SLC23A2: variants seen among roughly 807,000 people sequenced by gnomAD.
SLC23A2 encodes the protein solute carrier family 23 member 2.
SLC23A2 carries 36 observed loss-of-function variants against 73.3 expected under a neutral mutation model. That is an observed-to-expected ratio of 0.49 (90% confidence interval 0.38 to 0.65). The LOEUF is 0.65. SLC23A2 is among the 30% of genes least tolerant of loss of function. The pLI is 0.00. For synonymous variants in SLC23A2, 343 were observed against 327.3 expected, an observed-to-expected ratio of 1.05 and a Z score of -0.52; for missense variants, 507 against 841.6, an observed-to-expected ratio of 0.60 and a Z score of 4.92.
At position 4,908,744 on chromosome 20, in the gene SLC23A2, A is replaced by T. The variant is rs548001873; in HGVS notation, c.207+4136T>A. Among the ~76,000 whole-genome samples, 6 of 152,294 alleles carry T rather than the reference A, an allele frequency of 3.9e-5. No homozygotes were observed. In the South Asian group the frequency reaches 1.2e-3, roughly 32 times the overall value. On this transcript the variant is annotated intron_variant, in intron 4 of 16. Coordinates refer to ENST00000338244, the MANE Select transcript of SLC23A2 (RefSeq NM_005116.6). ...AGAGTTCCAGGCCAGCCTGGTCAAC[A>T]TGGCAAAACCCCGTCTCTACTAAAA...
At chr20:4,877,211 A>T (rs1930695104) in intron 9 of SLC23A2, among the ~76,000 whole-genome samples, 1 of 152,196 alleles carries the variant, frequency 6.6e-6, no homozygotes, top group South Asian at 2.1e-4. Flanking sequence ...ACTGTATGAC[A>T]TCAGAAGCAA....
intron 3 of SLC23A2, 82 bp from the exon 4 acceptor site, chr20:4,913,060 T>TCATGCACTCACCAG: frequency 2.3e-6 from 2 of 870,758 alleles, no homozygotes; most frequent in Non-Finnish European, 3.9e-6. Context: ...ATTCTCCTGG[T>TCATGCACTCACCAG]GAGTGCATGA....
intron 2 of SLC23A2, among the ~76,000 whole-genome samples, chr20:4,943,290 CA>C: frequency 6.6e-6 from 1 of 152,074 alleles, no homozygotes; most frequent in South Asian, 2.1e-4. Context: ...CACACTTCTC[CA>C]AAAGGATACG....
intron 3 of SLC23A2, among the ~76,000 whole-genome samples, chr20:4,925,746 A>T (rs141285199): frequency 2.0e-5 from 3 of 152,244 alleles, no homozygotes; most frequent in East Asian, 3.9e-4. Flanking sequence ...TTGCGCCCCA[A>T]GCAGGACACT....
At chr20:4,887,316 T>C (rs1931142337) in intron 6 of SLC23A2, among the ~76,000 whole-genome samples, 1 of 152,230 alleles carries the variant, frequency 6.6e-6, no homozygotes, top group South Asian at 2.1e-4. Flanking sequence ...TTTTCAGGAC[T>C]GTACTGAAAG....
intron 6 of SLC23A2, among the ~76,000 whole-genome samples, chr20:4,895,676 A>G (rs950796681): frequency 3.9e-5 from 6 of 152,258 alleles, no homozygotes; most frequent in African/African-American, 1.2e-4. Context: ...ACATATCTCT[A>G]TCCTCAGAAA....
chr20:4,930,680 G>A (rs534486686), intron 3 of SLC23A2, among the ~76,000 whole-genome samples: 8 of 152,212 alleles, frequency 5.3e-5, no homozygotes, highest in East Asian at 1.9e-4. Context: ...TTAGCTGGGC[G>A]TGGTGGCACA....
intron 2 of SLC23A2, among the ~76,000 whole-genome samples, chr20:4,943,551 T>C (rs1375596973): frequency 6.6e-6 from 1 of 150,934 alleles, no homozygotes; most frequent in Non-Finnish European, 1.5e-5. Flanking sequence ...GGTATCCGCC[T>C]GTAGTCCCAG....
At chr20:4,939,251 G>A (rs1363680735) in intron 2 of SLC23A2, among the ~76,000 whole-genome samples, 2 of 152,144 alleles carry the variant, frequency 1.3e-5, no homozygotes, top group East Asian at 1.9e-4. Context: ...GTTCTCCAAC[G>A]TTTGTGGACT....
At chr20:4,949,037 G>T (rs2122130226) in intron 2 of SLC23A2, among the ~76,000 whole-genome samples, 1 of 152,216 alleles carries the variant, frequency 6.6e-6, no homozygotes, top group Non-Finnish European at 1.5e-5. Context: ...TGTAACCCCT[G>T]CACTTTGGGA....
chr20:4,871,685 C>T (rs891276418), intron 11 of SLC23A2, among the ~76,000 whole-genome samples: 5 of 152,074 alleles, frequency 3.3e-5, no homozygotes, highest in East Asian at 3.9e-4. Flanking sequence ...GATGCAGAGG[C>T]GGCCCTTGGT....
intron 1 of SLC23A2, among the ~76,000 whole-genome samples, chr20:5,009,091 C>T (rs1425352286): frequency 6.6e-6 from 1 of 152,136 alleles, no homozygotes; most frequent in East Asian, 1.9e-4. Context: ...GAATCTTTTG[C>T]ATATGCATCT....
At chr20:4,983,955 T>TTTAAAA (rs2087776957) in intron 1 of SLC23A2, among the ~76,000 whole-genome samples, 3 of 139,526 alleles carry the variant, frequency 2.2e-5, no homozygotes, top group Non-Finnish European at 4.7e-5. Context: ...AAACTGTGTC[T>TTTAAAA]AAAAGAAAAA....
intron 1 of SLC23A2, among the ~76,000 whole-genome samples, chr20:5,000,543 AC>A (rs776127702): frequency 3.9e-5 from 6 of 152,234 alleles, no homozygotes; most frequent in Middle Eastern, 3.4e-3. Context: ...TAGAAGTAGC[AC>A]CTACTACAAA....
rs958975053 is a variant in SLC23A2, at chr20:4,902,307, A to G, written c.324+135T>C. ...GCATCAGCCACTGTGCTCAGCCCCT[A>G]CTCATCACTCTTAAAAGAGGAATTT... On this transcript the variant is annotated intron_variant, in intron 5 of 16. Transcript: ENST00000338244. This position sits in a 1 kb window ranked among gnomAD's most constrained non-coding sequence, Gnocchi z 4.0. 15 of 573,470 alleles carry G rather than the reference A, an allele frequency of 2.6e-5. 1 individual carries two copies. Among genetic ancestry groups the G allele is most frequent in the African/African-American group, 2.3e-4 (12 of 52,050 alleles). 35.5% of individuals were successfully genotyped at this position (573,470 alleles called of 1,614,324 possible). A position where few individuals can be genotyped will look rare whatever the true frequency, so the allele number is the denominator to read the frequency against.
At chr20:4,864,574 C>T (rs1298950850) in intron 13 of SLC23A2, among the ~76,000 whole-genome samples, 2 of 152,204 alleles carry the variant, frequency 1.3e-5, no homozygotes, top group Non-Finnish European at 2.9e-5. Flanking sequence ...TACTAATGGC[C>T]CTATCTTCAG....
chr20:4,906,771 G>T lies in SLC23A2; in HGVS notation c.208-4213C>A, dbSNP rs184356283. On this transcript the variant is annotated intron_variant, in intron 4 of 16. Coordinates refer to ENST00000338244, the MANE Select transcript of SLC23A2 (RefSeq NM_005116.6). ...TTTCTTCTAAGTCCTAAAAACAGGA[G>T]GAATAAATATGATACTCATCAACAA... is the stretch of plus-strand genomic sequence containing the variant. 3.3e-3 allele frequency among the ~76,000 whole-genome samples: 495 copies of T among 152,220 alleles called. 1 individual carries two copies. The highest frequency in any genetic ancestry group is 5.7e-3 in the Non-Finnish European group (389 of 68,014).
rs565320037 is a variant in SLC23A2 at position 4,909,329 on chromosome 20, T to C, written c.207+3551A>G. Among the ~76,000 whole-genome samples, 3 of 152,284 alleles carry C rather than the reference T, an allele frequency of 2.0e-5. No individual in the cohort carries two copies. In the East Asian group the frequency reaches 5.8e-4, roughly 29 times the overall value. ...TCAAAAAATTTCAGATATTGGAACA[T>C]TGCAGATTTCAGATCTCAGTTTTAG... is the stretch of plus-strand genomic sequence containing the variant. On this transcript the variant is annotated intron_variant, in intron 4 of 16. Transcript: ENST00000338244.
At chr20:4,964,581 C>T (rs562876227) in intron 2 of SLC23A2, among the ~76,000 whole-genome samples, 48 of 152,036 alleles carry the variant, frequency 3.2e-4, no homozygotes, top group African/African-American at 1.1e-3. Context: ...GACGTGGCAA[C>T]GTAAGGAGTG....
Sources: gnomAD v4.1 joint callset for allele counts (sites outside exome capture counted in the v4.1 genomes callset) on GRCh38, gnomAD v4.1.1 for gene constraint, Gnocchi (gnomAD v3.1) non-coding constraint, MANE v1.5 for transcripts, NCBI Gene and HGNC (gene_info 2026-07-23, HGNC 2026-07-21) for gene names.